HIVEP1: variants seen among roughly 807,000 people sequenced by gnomAD.
HIVEP1 encodes zinc finger protein 40.
Under a neutral mutation model 180.0 loss-of-function variants are expected in HIVEP1, and 36 were observed. The observed-to-expected ratio is 0.20, with a 90% confidence interval of 0.15 to 0.26. The LOEUF (loss-of-function observed/expected upper bound fraction) is 0.26. Among genes scored for constraint, HIVEP1 ranks in the 10% least tolerant of loss-of-function variants. The pLI, the probability that HIVEP1 is intolerant of heterozygous loss-of-function variation, is 1.00. For missense variants in HIVEP1, 3,143 were observed against 3,268.7 expected, an observed-to-expected ratio of 0.96 and a Z score of 0.94; for synonymous variants, 1,239 against 1,239.0, an observed-to-expected ratio of 1.00 and a Z score of 0.00.
At chr6:12,021,047 C>T (rs1241160354) in intron 2 of HIVEP1, among the ~76,000 whole-genome samples, 3 of 152,010 alleles carry the variant, frequency 2.0e-5, no homozygotes, top group South Asian at 2.1e-4. Context: ...CCTGCCACCA[C>T]GCACAGCTAA....
rs568201844 is a variant in HIVEP1 at position 12,120,197 on chromosome 6, C to T, written c.402C>T (p.Pro134=). The change falls in exon 4 of 9, where the codon CCC becomes CCT. Residue 134 remains proline, a synonymous_variant. Transcript: ENST00000379388. Reference sequence around the variant, plus strand: ...AAGAATCTGTCTCCCCAAAGAAGCCCTTGTTTCTGCAGCAACCATCTGAAC... The same window carrying T: ...AAGAATCTGTCTCCCCAAAGAAGCCTTTGTTTCTGCAGCAACCATCTGAAC... ...KSEESVSPKK[P]LFLQQPSELR... 1.9e-6 allele frequency: 3 copies of T among 1,614,160 alleles called. No homozygotes were observed. In the African/African-American group the frequency reaches 4.0e-5, roughly 22 times the overall value.
At chr6:12,070,009 C>T (rs1039683527) in intron 2 of HIVEP1, among the ~76,000 whole-genome samples, 2 of 152,106 alleles carry the variant, frequency 1.3e-5, no homozygotes, top group Non-Finnish European at 2.9e-5. Context: ...TCAGGCTCAT[C>T]AGTATCATTG....
At position 12,122,657 on chromosome 6, in the gene HIVEP1, G is replaced by T; in HGVS notation, c.2862G>T (p.Gly954=). 1 of 1,614,216 alleles carries T rather than the reference G, an allele frequency of 6.2e-7. No homozygotes were observed. Among genetic ancestry groups the T allele is most frequent in the African/African-American group, 1.3e-5 (1 of 75,056 alleles). ...TAGAAAAAAAGAAGTCTCATCAAGG[G>T]CGAGGGACAATGTTTGAGTGTGAAA... ...PHIEKKKSHQ[G]RGTMFECETC... The change falls in exon 4 of 9, where the codon GGG becomes GGT. Residue 954 remains glycine, a synonymous_variant. Transcript: ENST00000379388.
At chr6:12,201,492 AAAC>A in the HIVEP1 span, among the ~76,000 whole-genome samples, 1 of 129,894 alleles carries the variant, frequency 7.7e-6, no homozygotes, top group African/African-American at 2.5e-5. Context: ...ACAAACAAAC[AAAC>A]AAACAAAACA....
the HIVEP1 span, among the ~76,000 whole-genome samples, chr6:12,172,141 G>A: frequency 6.6e-6 from 1 of 152,104 alleles, no homozygotes; most frequent in Non-Finnish European, 1.5e-5. Context: ...TTGTAGATTT[G>A]GCCTTTCAGA....
At chr6:12,115,123 T>C (rs976165486) in intron 3 of HIVEP1, among the ~76,000 whole-genome samples, 1 of 152,198 alleles carries the variant, frequency 6.6e-6, no homozygotes, top group Non-Finnish European at 1.5e-5. Flanking sequence ...TACCACACTT[T>C]ATTGGCAACT....
chr6:12,115,041 A>G (rs1371978777), intron 3 of HIVEP1, among the ~76,000 whole-genome samples: 1 of 152,212 alleles, frequency 6.6e-6, no homozygotes, highest in Non-Finnish European at 1.5e-5. Context: ...TTCACCTTCA[A>G]TCAAGACAGG....
intron 3 of HIVEP1, among the ~76,000 whole-genome samples, chr6:12,115,427 G>A (rs1775156100): frequency 1.5e-5 from 2 of 129,586 alleles, no homozygotes; most frequent in Non-Finnish European, 3.1e-5. Flanking sequence ...CTCCCTAACT[G>A]ATGAAGAGTG....
intron 6 of HIVEP1, among the ~76,000 whole-genome samples, chr6:12,132,396 G>C (rs1201177168): frequency 1.3e-5 from 2 of 152,032 alleles, no homozygotes; most frequent in Non-Finnish European, 2.9e-5. Context: ...AGAAGATCAA[G>C]ATACAATGGG....
the HIVEP1 span, among the ~76,000 whole-genome samples, chr6:12,170,242 A>C: frequency 1.3e-5 from 2 of 152,070 alleles, no homozygotes; most frequent in Non-Finnish European, 2.9e-5. Context: ...TTGAATGGCA[A>C]AAGAAGGTAC....
chr6:12,209,260 T>C, the HIVEP1 span, among the ~76,000 whole-genome samples: 1 of 152,152 alleles, frequency 6.6e-6, no homozygotes, highest in East Asian at 1.9e-4. Context: ...GGTGAAACCC[T>C]GTCTCTACTA....
chr6:12,132,941 A>C (rs1376630783), intron 6 of HIVEP1, among the ~76,000 whole-genome samples: 1 of 152,158 alleles, frequency 6.6e-6, no homozygotes, highest in African/African-American at 2.4e-5. Flanking sequence ...GTTAAATAAT[A>C]GTAGACCTTT....
chr6:12,188,860 G>T, the HIVEP1 span, among the ~76,000 whole-genome samples: 15 of 151,898 alleles, frequency 9.9e-5, no homozygotes, highest in Admixed American at 9.8e-4. Context: ...TCTAAGTTCA[G>T]TGGAAAAATA....
chr6:12,167,647 A>ATGT (rs1562023646), downstream of HIVEP1, among the ~76,000 whole-genome samples: 1,673 of 94,270 alleles, frequency 0.018, 97 homozygotes, highest in African/African-American at 0.048. Context: ...ATACATATAC[A>ATGT]TATATATGTT....
chr6:12,202,460 A>T, the HIVEP1 span, among the ~76,000 whole-genome samples: 3 of 152,142 alleles, frequency 2.0e-5, no homozygotes, highest in Non-Finnish European at 2.9e-5. Context: ...ATTTTGAGAG[A>T]TTATTCTACT....
chr6:12,036,155 G>T (rs994560587), intron 2 of HIVEP1, among the ~76,000 whole-genome samples: 2 of 152,162 alleles, frequency 1.3e-5, no homozygotes, highest in African/African-American at 4.8e-5. Context: ...TTTATGTCTT[G>T]AAATTTATCC....
downstream of HIVEP1, among the ~76,000 whole-genome samples, chr6:12,167,593 T>TGTATATATACATGTTATATTACAA (rs1167989597): frequency 5.3e-5 from 6 of 114,008 alleles, 2 homozygotes; most frequent in African/African-American, 2.1e-4. Flanking sequence ...TTATATTACA[T>TGTATATATACATGTTATATTACAA]GTATATATAC....
chr6:12,163,832 G>C lies in HIVEP1; in HGVS notation c.7528G>C (p.Val2510Leu). ...GLANTNMAPQVHPPGLALNAV... is the reference protein window; with the variant it reads ...GLANTNMAPQLHPPGLALNAV... ...AGCCAATACAAATATGGCCCCACAAGTCCATCCACCAGGACTGGCTCTGAA... is the reference window on the plus strand; with the variant it reads ...AGCCAATACAAATATGGCCCCACAACTCCATCCACCAGGACTGGCTCTGAA... The change falls in exon 9 of 9, where the codon GTC becomes CTC. Residue 2510 changes from valine to leucine, a missense_variant. Coordinates refer to ENST00000379388, the MANE Select transcript of HIVEP1 (RefSeq NM_002114.4). The C allele has an allele frequency of 1.9e-6, 3 of 1,614,138 alleles. No homozygotes were observed. Among genetic ancestry groups the C allele is most frequent in the Non-Finnish European group, 2.5e-6 (3 of 1,180,028 alleles).
the HIVEP1 span, among the ~76,000 whole-genome samples, chr6:12,205,464 C>G: frequency 6.6e-6 from 1 of 150,640 alleles, no homozygotes; most frequent in Non-Finnish European, 1.5e-5. Flanking sequence ...GAGCAAGACT[C>G]CATCTCAAAA....
Sources: gnomAD v4.1 joint callset for allele counts (sites outside exome capture counted in the v4.1 genomes callset) on GRCh38, gnomAD v4.1.1 for gene constraint, MANE v1.5 for transcripts, NCBI Gene and HGNC (gene_info 2026-07-23, HGNC 2026-07-21) for gene names.